The following FTO variants were observed in gnomAD, a reference collection of about 807,000 sequenced individuals.
FTO encodes the protein FTO alpha-ketoglutarate dependent dioxygenase.
A neutral mutation model predicts 63.9 loss-of-function variants in FTO; 47 were observed. That is an observed-to-expected ratio of 0.74 (90% confidence interval 0.58 to 0.94). The LOEUF (loss-of-function observed/expected upper bound fraction) is 0.94. Among genes scored for constraint, FTO ranks in the 40% least tolerant of loss-of-function variants. The probability of loss-of-function intolerance (pLI) is 0.00; values close to 1 mark genes in which losing one functional copy is unlikely to be tolerated. For missense variants in FTO, 562 were observed against 618.1 expected (o/e 0.91, Z 0.96); for synonymous variants, 207 against 224.4 (o/e 0.92, Z 0.69).
In FTO at chr16:53,855,459, A is replaced by G. The variant is rs527324641; in HGVS notation, c.895+11161A>G. Among the ~76,000 whole-genome samples, 13 of 152,314 alleles carry G rather than the reference A, an allele frequency of 8.5e-5. No homozygotes were observed. In the South Asian group the frequency reaches 2.7e-3, roughly 32 times the overall value. On this transcript the variant is annotated intron_variant, in intron 4 of 8. Coordinates refer to ENST00000471389, the MANE Select transcript of FTO (RefSeq NM_001080432.3). ...ACTGTTTTAGCTTTGTATCCTGTAC[A>G]GCACCTAACACAGTACTTTGAATAT... is the stretch of plus-strand genomic sequence containing the variant.
At chr16:53,957,900 G>A (rs2082967161) in intron 8 of FTO, among the ~76,000 whole-genome samples, 1 of 152,176 alleles carries the variant, frequency 6.6e-6, no homozygotes, top group Non-Finnish European at 1.5e-5. Context: ...CCGCTAATGT[G>A]GCAAACTTAT....
intron 8 of FTO, among the ~76,000 whole-genome samples, chr16:54,022,726 C>A (rs1331843142): frequency 6.6e-6 from 1 of 152,094 alleles, no homozygotes; most frequent in Non-Finnish European, 1.5e-5. Context: ...ACAAAAAAAA[C>A]CACAAATGAT....
At chr16:53,815,564 G>T (rs1598734301) in intron 2 of FTO, among the ~76,000 whole-genome samples, 1 of 149,180 alleles carries the variant, frequency 6.7e-6, no homozygotes, top group East Asian at 2.0e-4. Context: ...AAATTTTGTT[G>T]AGTCGCCTTT....
intron 1 of FTO, among the ~76,000 whole-genome samples, chr16:53,710,979 GC>G (rs2075758857): frequency 1.3e-5 from 2 of 152,148 alleles, no homozygotes; most frequent in South Asian, 4.2e-4. Flanking sequence ...ACTTCTCTGA[GC>G]CTCCATTTCC....
At chr16:53,966,594 A>G (rs1266969813) in intron 8 of FTO, among the ~76,000 whole-genome samples, 1 of 152,154 alleles carries the variant, frequency 6.6e-6, no homozygotes, top group African/African-American at 2.4e-5. Context: ...TCTTTTGTTG[A>G]TCTTGGTTTC....
At chr16:53,806,232 C>A (rs569441127) in intron 1 of FTO, among the ~76,000 whole-genome samples, 2 of 152,122 alleles carry the variant, frequency 1.3e-5, no homozygotes, top group South Asian at 4.2e-4. Context: ...TAAAACAATG[C>A]CAAAAATCAT....
intron 4 of FTO, among the ~76,000 whole-genome samples, chr16:53,856,373 G>GTAA (rs879753687): frequency 2.9e-4 from 43 of 149,590 alleles, no homozygotes; most frequent in African/African-American, 9.1e-4. Flanking sequence ...TTTTTTGGGG[G>GTAA]GGGATATTTA....
At chr16:53,853,312 A>G (rs1253641001) in intron 4 of FTO, among the ~76,000 whole-genome samples, 3 of 152,178 alleles carry the variant, frequency 2.0e-5, no homozygotes, top group Non-Finnish European at 2.9e-5. Context: ...CTCAAGAAAA[A>G]AAAATGTATT....
intron 8 of FTO, among the ~76,000 whole-genome samples, chr16:54,053,765 C>G (rs1316688076): frequency 2.0e-5 from 3 of 152,154 alleles, no homozygotes; most frequent in Non-Finnish European, 4.4e-5. Context: ...CCTGCCCAAA[C>G]CCCTGCCTTC....
chr16:53,760,967 T>C (rs1350710749), intron 1 of FTO, among the ~76,000 whole-genome samples: 2 of 151,464 alleles, frequency 1.3e-5, no homozygotes, highest in Non-Finnish European at 2.9e-5. Flanking sequence ...TTTATTTTTA[T>C]TGTTGTTATT....
chr16:53,877,083 G>A (rs2080677744), intron 5 of FTO, among the ~76,000 whole-genome samples: 1 of 152,238 alleles, frequency 6.6e-6, no homozygotes, highest in South Asian at 2.1e-4. Context: ...GACAAGTGTT[G>A]GTGAGGACAT....
At chr16:53,919,305 G>A (rs2081954828) in intron 7 of FTO, among the ~76,000 whole-genome samples, 1 of 152,104 alleles carries the variant, frequency 6.6e-6, no homozygotes, top group African/African-American at 2.4e-5. Context: ...TCATTATCAT[G>A]AGTCAGAAAG....
At chr16:53,933,875 G>A in intron 7 of FTO, 110 bp from the exon 8 acceptor site, 1 of 1,055,430 alleles carries the variant, frequency 9.5e-7, no homozygotes, top group Non-Finnish European at 1.4e-6. Context: ...TTGTTAGCAG[G>A]GGAACTGTAA....
chr16:53,729,398 G>A (rs1056104920), intron 1 of FTO, among the ~76,000 whole-genome samples: 5 of 151,788 alleles, frequency 3.3e-5, no homozygotes, highest in Non-Finnish European at 5.9e-5. Flanking sequence ...TTGGTGGTGC[G>A]TGCCTGTATT....
chr16:53,713,473 T>C (rs2075824182), intron 1 of FTO, among the ~76,000 whole-genome samples: 1 of 152,168 alleles, frequency 6.6e-6, no homozygotes, highest in Admixed American at 6.5e-5. Context: ...GCACATTCAT[T>C]TACTCTTCTA....
At chr16:53,988,657 A>G (rs983963916) in intron 8 of FTO, among the ~76,000 whole-genome samples, 1 of 152,220 alleles carries the variant, frequency 6.6e-6, no homozygotes, top group Non-Finnish European at 1.5e-5. Flanking sequence ...ATAGGTAGGT[A>G]CTACTGTTAT....
rs571131597 is a variant in FTO, at chr16:53,780,170, G to A, written c.46-29970G>A. Among the ~76,000 whole-genome samples the A allele has an allele frequency of 2.2e-4, 33 of 152,222 alleles. 1 individual carries two copies. In the South Asian group the frequency reaches 6.8e-3, roughly 32 times the overall value. On this transcript the variant is annotated intron_variant, in intron 1 of 8. Coordinates refer to ENST00000471389, the MANE Select transcript of FTO (RefSeq NM_001080432.3). ...AGAACAACCTGGGTTCTATAGCTCT[G>A]AGAGCTCACCAGCCACTCTGTCCTT...
chr16:53,716,578 G>T (rs1380133850), intron 1 of FTO, among the ~76,000 whole-genome samples: 18 of 151,916 alleles, frequency 1.2e-4, no homozygotes, highest in Admixed American at 1.1e-3. Flanking sequence ...TATTGTTGGG[G>T]TAAGTGCTAT....
At chr16:54,027,347 G>C (rs542366187) in intron 8 of FTO, among the ~76,000 whole-genome samples, 1 of 152,254 alleles carries the variant, frequency 6.6e-6, no homozygotes, top group East Asian at 1.9e-4. Flanking sequence ...GAGCTGGCTT[G>C]ATAAGGGAAT....
Sources: allele counts gnomAD v4.1 joint callset (sites outside exome capture counted in the v4.1 genomes callset), GRCh38; gene constraint gnomAD v4.1.1; transcripts MANE v1.5; gene names NCBI Gene and HGNC (gene_info 2026-07-23, HGNC 2026-07-21).